The following SMCO4 variants were observed in gnomAD, a reference collection of about 807,000 sequenced individuals.
The protein encoded by SMCO4 is single-pass membrane protein with coiled-coil domains 4, also known as single-pass membrane and coiled-coil domain-containing protein 4.
Under a neutral mutation model 3.6 loss-of-function variants are expected in SMCO4, and 4 were observed. The observed-to-expected ratio is 1.11, with a 90% CI of 0.54 to 2.53. The LOEUF is 2.53. SMCO4 is among the 30% of genes most tolerant of loss of function. The pLI is 0.02. For synonymous variants in SMCO4, 36 were observed against 35.3 expected (o/e 1.02, Z -0.07); for missense variants, 70 against 80.8 (o/e 0.87, Z 0.51).
chr11:93,494,677 T>A (rs1443078550), intron 2 of SMCO4, among the ~76,000 whole-genome samples: 1 of 152,228 alleles, frequency 6.6e-6, no homozygotes. Flanking sequence ...ACCTAAAATG[T>A]GCAAGTCTCT....
intron 2 of SMCO4, among the ~76,000 whole-genome samples, chr11:93,483,744 A>G (rs539287479): frequency 1.3e-5 from 2 of 152,254 alleles, no homozygotes; most frequent in African/African-American, 4.8e-5. Flanking sequence ...CTCCAGTTTC[A>G]CAAGGAAGAA....
chr11:93,542,996 G>A (rs1949283652), intron 1 of SMCO4, among the ~76,000 whole-genome samples: 1 of 151,224 alleles, frequency 6.6e-6, no homozygotes, highest in Non-Finnish European at 1.5e-5. Flanking sequence ...ACTTTTCCCA[G>A]CCCCCGCCCC....
intron 2 of SMCO4, among the ~76,000 whole-genome samples, chr11:93,488,183 A>G (rs1408736860): frequency 6.6e-6 from 1 of 152,188 alleles, no homozygotes; most frequent in African/African-American, 2.4e-5. Context: ...GTGCAGGGGG[A>G]AGATCTTCCA....
intron 2 of SMCO4, among the ~76,000 whole-genome samples, chr11:93,492,150 A>C (rs1211945557): frequency 6.6e-6 from 1 of 152,236 alleles, no homozygotes; most frequent in Non-Finnish European, 1.5e-5. Flanking sequence ...CCCCAGAGAC[A>C]GGCGAGTAAG....
chr11:93,517,476 GAAA>G (rs1949018110), intron 1 of SMCO4, among the ~76,000 whole-genome samples: 1 of 152,114 alleles, frequency 6.6e-6, no homozygotes, highest in African/African-American at 2.4e-5. Flanking sequence ...CTTCTAAAAA[GAAA>G]TTTAGAGAAC....
chr11:93,545,528 T>A (rs1210320534), upstream of SMCO4, among the ~76,000 whole-genome samples: 1 of 139,696 alleles, frequency 7.2e-6, no homozygotes, highest in Admixed American at 8.2e-5. Flanking sequence ...GCGGAGGTTG[T>A]AGTGAGCTGA....
chr11:93,496,782 A>C (rs11020381), intron 2 of SMCO4, among the ~76,000 whole-genome samples: 47,385 of 152,106 alleles, frequency 0.31, 7,663 homozygotes, highest in African/African-American at 0.35. Context: ...GCATCATGCC[A>C]CAACTAAAAG....
intron 2 of SMCO4, among the ~76,000 whole-genome samples, chr11:93,486,613 C>A (rs950397076): frequency 3.3e-5 from 5 of 152,088 alleles, no homozygotes; most frequent in African/African-American, 1.2e-4. Context: ...CTCTGAAGGC[C>A]CCCAGGAAAA....
intron 1 of SMCO4, among the ~76,000 whole-genome samples, chr11:93,534,764 C>T (rs7109860): frequency 0.2 from 30,113 of 152,138 alleles, 3,216 homozygotes; most frequent in Non-Finnish European, 0.24. Context: ...CCCACTGTGT[C>T]CACTGGACAG....
At chr11:93,491,234 T>C (rs1318079712) in intron 2 of SMCO4, among the ~76,000 whole-genome samples, 1 of 152,224 alleles carries the variant, frequency 6.6e-6, no homozygotes, top group Non-Finnish European at 1.5e-5. Context: ...AGCCATCCAA[T>C]GGTGTGCACT....
chr11:93,543,455 C>T (rs928373841), upstream of SMCO4: 3 of 151,758 alleles, frequency 2.0e-5, no homozygotes, highest in Non-Finnish European at 2.9e-5. Context: ...CCCGTCCTAA[C>T]CCTAACTCGC....
chr11:93,535,733 C>T lies in SMCO4; in HGVS notation c.-154+7543G>A, dbSNP rs952996987. On this transcript the variant is annotated intron_variant, in intron 1 of 2. Transcript: ENST00000298966. ...ATGGCTTATTCAAACCTCCTGAGAGCTAACATGGATGGGCTGAAGAAGAGA... is the reference window on the plus strand; with the variant it reads ...ATGGCTTATTCAAACCTCCTGAGAGTTAACATGGATGGGCTGAAGAAGAGA... 204 of 1,613,460 alleles carry T rather than the reference C, an allele frequency of 1.3e-4. No homozygotes were observed. The Admixed American group carries it at 1.9e-3, about 15-fold the overall frequency.
chr11:93,548,560 G>T, the SMCO4 span, among the ~76,000 whole-genome samples: 1 of 152,274 alleles, frequency 6.6e-6, no homozygotes, highest in East Asian at 1.9e-4. Flanking sequence ...TAAAACATGG[G>T]GTTAAGGGGA....
chr11:93,535,488 AG>A, intron 1 of SMCO4: 1 of 1,398,354 alleles, frequency 7.2e-7, no homozygotes, highest in African/African-American at 1.4e-5. Context: ...TTGGAGAGCG[AG>A]CAGCTCCTGA....
chr11:93,482,492 AT>A (rs1948603107), intron 2 of SMCO4, among the ~76,000 whole-genome samples: 2 of 152,198 alleles, frequency 1.3e-5, no homozygotes, highest in South Asian at 4.1e-4. Context: ...AAGAGAGATC[AT>A]GTCCAAGGCA....
intron 1 of SMCO4, among the ~76,000 whole-genome samples, chr11:93,537,557 C>T (rs1158731395): frequency 6.6e-6 from 1 of 151,760 alleles, no homozygotes; most frequent in Non-Finnish European, 1.5e-5. Context: ...GCAAACACAC[C>T]CAAACACGCA....
chr11:93,540,351 T>A (rs1949261886), intron 1 of SMCO4, among the ~76,000 whole-genome samples: 1 of 152,178 alleles, frequency 6.6e-6, no homozygotes, highest in Non-Finnish European at 1.5e-5. Context: ...TTTACACATG[T>A]GGAAACCAGG....
chr11:93,537,903 C>T (rs1222868758), intron 1 of SMCO4: 1 of 152,250 alleles, frequency 6.6e-6, no homozygotes, highest in African/African-American at 2.4e-5. Context: ...ACAGAGGTAA[C>T]CTGGCTTCCT....
intron 1 of SMCO4, among the ~76,000 whole-genome samples, chr11:93,529,645 G>T (rs573863430): frequency 3.6e-4 from 55 of 152,090 alleles, no homozygotes; most frequent in African/African-American, 1.3e-3. Context: ...CCTTCCTTTG[G>T]AGGCAAAAAG....
Sources: allele counts gnomAD v4.1 joint callset (sites outside exome capture counted in the v4.1 genomes callset), GRCh38; gene constraint gnomAD v4.1.1; transcripts MANE v1.5; gene names NCBI Gene and HGNC (gene_info 2026-07-23, HGNC 2026-07-21).